Variants in BRIP1 observed in about 807,000 individuals in gnomAD.
BRIP1 encodes Fanconi anemia group J protein.
Under a neutral mutation model 119.7 loss-of-function variants are expected in BRIP1, and 88 were observed. The observed-to-expected ratio is 0.74, with a 90% CI of 0.62 to 0.88. BRIP1 has a LOEUF of 0.88. Among genes scored for constraint, BRIP1 ranks in the 40% least tolerant of loss-of-function variants. The probability of loss-of-function intolerance (pLI) is 0.00; values close to 1 mark genes in which losing one functional copy is unlikely to be tolerated. For missense variants in BRIP1, 1,259 were observed against 1,455.4 expected, an observed-to-expected ratio of 0.87 and a Z score of 2.20; for synonymous variants, 443 against 496.5, an observed-to-expected ratio of 0.89 and a Z score of 1.43.
In BRIP1 at chr17:61,679,150, C is replaced by T. The variant is rs989605771; in HGVS notation, c.*4146G>A. 3.9e-5 allele frequency among the ~76,000 whole-genome samples: 6 copies of T among 152,010 alleles called. No homozygotes were observed. Among genetic ancestry groups the T allele is most frequent in the African/African-American group, 9.7e-5 (4 of 41,386 alleles). Reference sequence around the variant, plus strand: ...CCTAAAGAATTAAATATTTTAAATGCGTTTTAATATAGGAAAGTAATACAA... The same window carrying T: ...CCTAAAGAATTAAATATTTTAAATGTGTTTTAATATAGGAAAGTAATACAA... On this transcript the variant is annotated 3_prime_UTR_variant, in exon 20 of 20. Transcript: ENST00000259008. This position sits in a 1 kb window ranked among gnomAD's most constrained non-coding sequence, Gnocchi z 4.4.
At position 61,686,823 on chromosome 17, in the gene BRIP1, T is replaced by G. The variant is rs2061371919; in HGVS notation, c.2576-658A>C. Among the ~76,000 whole-genome samples the G allele has an allele frequency of 6.6e-6, 1 of 152,118 alleles. No individual in the cohort carries two copies. Among genetic ancestry groups the G allele is most frequent in the Admixed American group, 6.5e-5 (1 of 15,272 alleles). On this transcript the variant is annotated intron_variant, in intron 18 of 19. Transcript: ENST00000259008. The surrounding 1 kb of genome is among the most constrained non-coding windows in gnomAD (Gnocchi z 5.4). The stretch of plus-strand genomic sequence containing the variant: ...TGAAACCTAAGAGTTTAAGGTGTTT[T>G]CTAGTATGGTGTGCTTCCAAATGAA...
chr17:61,793,366 T>G lies in BRIP1; in HGVS notation c.1473+231A>C, dbSNP rs1444615219. Among the ~76,000 whole-genome samples the G allele has an allele frequency of 6.6e-6, 1 of 152,144 alleles. No homozygotes were observed. Among genetic ancestry groups the G allele is most frequent in the African/African-American group, 2.4e-5 (1 of 41,452 alleles). On this transcript the variant is annotated intron_variant, in intron 10 of 19. Coordinates refer to ENST00000259008, the MANE Select transcript of BRIP1 (RefSeq NM_032043.3). This position sits in a 1 kb window ranked among gnomAD's most constrained non-coding sequence, Gnocchi z 5.2. ...TCCTTTTAGCTTTAAACAAAGCAAT[T>G]AATCCCTTTAAAGACTAATTTCCTT...
In BRIP1 at chr17:61,748,688, C is replaced by T. The variant is rs2077090680; in HGVS notation, c.2098-4097G>A. 6.6e-6 allele frequency among the ~76,000 whole-genome samples: 1 copy of T among 152,180 alleles called. No homozygotes were observed. The highest frequency in any genetic ancestry group is 1.5e-5 in the Non-Finnish European group (1 of 68,032). On this transcript the variant is annotated intron_variant, in intron 14 of 19. Transcript: ENST00000259008. This position sits in a 1 kb window ranked among gnomAD's most constrained non-coding sequence, Gnocchi z 4.7. ...CACACATGTATGATCAACTGATCTT[C>T]AGCAAGGGTGCCAAAAATACATAAT...
Position 61,776,465 on chromosome 17 carries a change from G to A in BRIP1, c.2033C>T (p.Ala678Val), listed in dbSNP as rs1211313166. The A allele has an allele frequency of 6.2e-7, 1 of 1,614,092 alleles. No individual in the cohort carries two copies. Among genetic ancestry groups the A allele is most frequent in the Admixed American group, 1.7e-5 (1 of 60,014 alleles). The change falls in exon 14 of 20, where the codon GCA becomes GTA. Residue 678 changes from alanine (A) to valine (V), a missense_variant. By Grantham distance (64) the Ala-to-Val change is moderately conservative. This residue lies in a region of BRIP1 where 753 missense variants were observed against 891.8 expected (regional missense o/e 0.84). Transcript: ENST00000259008. The surrounding 1 kb of genome is among the most constrained non-coding windows in gnomAD (Gnocchi z 5.0). ...AGTCTGGCACACAGATAACAAAAGT[G>A]CTCCCACTTCATCTTGGAACTCAAA... ...ETFEFQDEVG[A>V]LLLSVCQTVS...
chr17:61,859,570 G>A (rs183817907), intron 3 of BRIP1, among the ~76,000 whole-genome samples: 59 of 152,140 alleles, frequency 3.9e-4, no homozygotes, highest in African/African-American at 9.6e-4. Flanking sequence ...TGTACTTTCC[G>A]ACTCATCAAA....
Position 61,753,552 on chromosome 17 carries a change from A to G in BRIP1, c.2098-8961T>C, listed in dbSNP as rs2077161075. ...TATAGAGATGAGATTGCCTAGTGGG[A>G]GAGTACAGATTTAAAAGGGGGGACC... On this transcript the variant is annotated intron_variant, in intron 14 of 19. Coordinates refer to ENST00000259008, the MANE Select transcript of BRIP1 (RefSeq NM_032043.3). This position sits in a 1 kb window ranked among gnomAD's most constrained non-coding sequence, Gnocchi z 4.6. 6.6e-6 allele frequency among the ~76,000 whole-genome samples: 1 copy of G among 152,072 alleles called. No homozygotes were observed. Among genetic ancestry groups the G allele is most frequent in the Non-Finnish European group, 1.5e-5 (1 of 68,004 alleles).
rs908451986 is a variant in BRIP1 at position 61,701,847 on chromosome 17, G to A, written c.2493-8335C>T. ...GTGGGGTCTTCCAGGAAACTCCCAG[G>A]TAGGTCACATAATTCTCTGGAAATG... On this transcript the variant is annotated intron_variant, in intron 17 of 19. Coordinates refer to ENST00000259008, the MANE Select transcript of BRIP1 (RefSeq NM_032043.3). The surrounding 1 kb of genome is among the most constrained non-coding windows in gnomAD (Gnocchi z 5.1). Among the ~76,000 whole-genome samples the A allele has an allele frequency of 1.8e-4, 28 of 152,156 alleles. 1 individual carries two copies. The highest frequency in any genetic ancestry group is 1.5e-5 in the Non-Finnish European group (1 of 68,026).
At chr17:61,714,515 T>C (rs899411304) in intron 17 of BRIP1, among the ~76,000 whole-genome samples, 2 of 152,208 alleles carry the variant, frequency 1.3e-5, no homozygotes, top group African/African-American at 4.8e-5. Context: ...CTATATCATA[T>C]AGCCTATATG....
chr17:61,773,841 A>C (rs533255778), intron 14 of BRIP1, among the ~76,000 whole-genome samples: 4 of 152,320 alleles, frequency 2.6e-5, no homozygotes, highest in African/African-American at 9.6e-5. Context: ...AAAAATGCTC[A>C]TCATCACTGG....
In BRIP1 at chr17:61,798,305, A is replaced by T. The variant is rs1487089864; in HGVS notation, c.1340+795T>A. Among the ~76,000 whole-genome samples the T allele has an allele frequency of 6.6e-6, 1 of 152,024 alleles. No individual in the cohort carries two copies. The highest frequency in any genetic ancestry group is 1.5e-5 in the Non-Finnish European group (1 of 67,920). On this transcript the variant is annotated intron_variant, in intron 9 of 19. Coordinates refer to ENST00000259008, the MANE Select transcript of BRIP1 (RefSeq NM_032043.3). The surrounding 1 kb of genome is among the most constrained non-coding windows in gnomAD (Gnocchi z 5.5). Reference sequence around the variant, plus strand: ...AAGCAAGTTGCAGAAAAATGTATGTATACTATGCCATCATTTGGAAAATAG... The same window carrying T: ...AAGCAAGTTGCAGAAAAATGTATGTTTACTATGCCATCATTTGGAAAATAG...
rs1211331631 is a variant in BRIP1 at position 61,708,274 on chromosome 17, A to C, written c.2492+7677T>G. On this transcript the variant is annotated intron_variant, in intron 17 of 19. Transcript: ENST00000259008. The surrounding 1 kb of genome is among the most constrained non-coding windows in gnomAD (Gnocchi z 4.4). ...TCCAGAAATAATTCATACATTTAAA[A>C]ATGCATGCCCTTCTGAGTTGCATGA... Among the ~76,000 whole-genome samples, 1 of 152,184 alleles carries C rather than the reference A, an allele frequency of 6.6e-6. No individual in the cohort carries two copies. Among genetic ancestry groups the C allele is most frequent in the Non-Finnish European group, 1.5e-5 (1 of 68,026 alleles).
In BRIP1 at chr17:61,687,832, C is replaced by G. The variant is rs2061383568; in HGVS notation, c.2576-1667G>C. Among the ~76,000 whole-genome samples, 1 of 152,138 alleles carries G rather than the reference C, an allele frequency of 6.6e-6. No individual in the cohort carries two copies. Among genetic ancestry groups the G allele is most frequent in the African/African-American group, 2.4e-5 (1 of 41,436 alleles). On this transcript the variant is annotated intron_variant, in intron 18 of 19. Transcript: ENST00000259008. This position sits in a 1 kb window ranked among gnomAD's most constrained non-coding sequence, Gnocchi z 5.1. ...TTCAGAATATACCTGGCTGCTTCTT[C>G]CTGGGGAGAAAAGAGAAAACTGGAC...
Position 61,686,242 on chromosome 17 carries a change from CT to C in BRIP1, c.2576-78del. ...ATTACATGCTAAGGTAATACACTTG[CT>C]TTTTCTAGTGAAGTAACCTAATTTG... is the stretch of plus-strand genomic sequence containing the variant. On this transcript the variant is annotated intron_variant, in intron 18 of 19. Coordinates refer to ENST00000259008, the MANE Select transcript of BRIP1 (RefSeq NM_032043.3). The surrounding 1 kb of genome is among the most constrained non-coding windows in gnomAD (Gnocchi z 5.4). 2 of 1,327,368 alleles carry C rather than the reference CT, an allele frequency of 1.5e-6. No homozygotes were observed. Among genetic ancestry groups the C allele is most frequent in the South Asian group, 2.4e-5 (2 of 83,988 alleles). The allele number at this position is 1,327,368 out of a possible 1,614,324, so 82.2% of individuals were successfully genotyped here.
rs1276124498 is a variant in BRIP1 at position 61,844,202 on chromosome 17, T to G, written c.627+2899A>C. On this transcript the variant is annotated intron_variant, in intron 6 of 19. Transcript: ENST00000259008. The surrounding 1 kb of genome is among the most constrained non-coding windows in gnomAD (Gnocchi z 4.7). ...CCTTGGCCTCCCAAAGTGCTGAGATTATAGGCATGAGCCATGATGCCTGGC... is the reference window on the plus strand; with the variant it reads ...CCTTGGCCTCCCAAAGTGCTGAGATGATAGGCATGAGCCATGATGCCTGGC... Among the ~76,000 whole-genome samples, 4 of 152,182 alleles carry G rather than the reference T, an allele frequency of 2.6e-5. No homozygotes were observed. The highest frequency in any genetic ancestry group is 5.9e-5 in the Non-Finnish European group (4 of 68,040).
chr17:61,720,229 A>G lies in BRIP1; in HGVS notation c.2380-4166T>C. Reference sequence around the variant, plus strand: ...TAGGATGACTATAGTTAACAATATTACATCATTTCAAATAACTAGAAGGAG... The same window carrying G: ...TAGGATGACTATAGTTAACAATATTGCATCATTTCAAATAACTAGAAGGAG... On this transcript the variant is annotated intron_variant, in intron 16 of 19. Coordinates refer to ENST00000259008, the MANE Select transcript of BRIP1 (RefSeq NM_032043.3). The surrounding 1 kb of genome is among the most constrained non-coding windows in gnomAD (Gnocchi z 4.3). 6.6e-6 allele frequency among the ~76,000 whole-genome samples: 1 copy of G among 152,224 alleles called. No individual in the cohort carries two copies. Among genetic ancestry groups the G allele is most frequent in the African/African-American group, 2.4e-5 (1 of 41,452 alleles).
Position 61,715,974 on chromosome 17 carries a change from C to T in BRIP1, c.2469G>A (p.Arg823=), listed in dbSNP as rs587780239. The change falls in exon 17 of 20, where the codon AGG becomes AGA. Residue 823 remains arginine (R), a synonymous_variant. Transcript: ENST00000259008. ...GRQWYEIQAY[R]ALNQALGRCI... ...ACCTACCAAGGGCCTGGTTTAAGGC[C>T]CTGTATGCTTGAATTTCATACCACT... 6.2e-7 allele frequency: 1 copy of T among 1,605,764 alleles called. No individual in the cohort carries two copies. The highest frequency in any genetic ancestry group is 1.1e-5 in the South Asian group (1 of 89,966).
At chr17:61,839,340 T>C (rs2078624522) in intron 6 of BRIP1, among the ~76,000 whole-genome samples, 1 of 151,968 alleles carries the variant, frequency 6.6e-6, no homozygotes. Context: ...CCTATTTTTA[T>C]GTTAGGAAGA....
rs953694111 is a variant in BRIP1 at position 61,755,929 on chromosome 17, T to C, written c.2098-11338A>G. 1.2e-4 allele frequency among the ~76,000 whole-genome samples: 19 copies of C among 152,182 alleles called. No individual in the cohort carries two copies. The highest frequency in any genetic ancestry group is 2.9e-5 in the Non-Finnish European group (2 of 68,036). ...TCGGGCAAAGAGCTATGAGGAACAC[T>C]TCATAAAAGGGAGAATTTGGTGACT... On this transcript the variant is annotated intron_variant, in intron 14 of 19. Transcript: ENST00000259008. This position sits in a 1 kb window ranked among gnomAD's most constrained non-coding sequence, Gnocchi z 4.5.
At position 61,851,238 on chromosome 17, in the gene BRIP1, A is replaced by T. The variant is rs1437695496; in HGVS notation, c.380-1982T>A. Among the ~76,000 whole-genome samples the T allele has an allele frequency of 6.6e-6, 1 of 152,194 alleles. No individual in the cohort carries two copies. Among genetic ancestry groups the T allele is most frequent in the Non-Finnish European group, 1.5e-5 (1 of 68,028 alleles). ...ACGAGACTCCATCTCAAAAAAAGAA[A>T]AAAAAAGAAATGTTGCTTAAAATTT... On this transcript the variant is annotated intron_variant, in intron 4 of 19. Coordinates refer to ENST00000259008, the MANE Select transcript of BRIP1 (RefSeq NM_032043.3). This position sits in a 1 kb window ranked among gnomAD's most constrained non-coding sequence, Gnocchi z 4.6.
Sources: allele counts gnomAD v4.1 joint callset (sites outside exome capture counted in the v4.1 genomes callset), GRCh38; gene constraint gnomAD v4.1.1; regional missense constraint gnomAD v4.1.1; non-coding constraint Gnocchi (gnomAD v3.1); transcripts MANE v1.5; gene names NCBI Gene and HGNC (gene_info 2026-07-23, HGNC 2026-07-21).